SERPINF1: variants seen among roughly 807,000 people sequenced by gnomAD.
SERPINF1 encodes pigment epithelium-derived factor.
A neutral mutation model predicts 37.3 loss-of-function variants in SERPINF1; 29 were observed. The observed-to-expected ratio is 0.78, with a 90% confidence interval of 0.58 to 1.06. The LOEUF (loss-of-function observed/expected upper bound fraction) is 1.06. Ranked by LOEUF, SERPINF1 falls within the 50% of genes least tolerant of loss-of-function variation. The probability of loss-of-function intolerance (pLI) is 0.00; values close to 1 mark genes in which losing one functional copy is unlikely to be tolerated. For synonymous variants in SERPINF1, 281 were observed against 227.9 expected, an observed-to-expected ratio of 1.23 and a Z score of -2.10; for missense variants, 553 against 532.2, an observed-to-expected ratio of 1.04 and a Z score of -0.38.
Position 1,771,933 on chromosome 17 carries a change from A to AGT in SERPINF1, c.502_503dup (p.Leu169SerfsTer2). 1 of 1,614,104 alleles carries AGT rather than the reference A, an allele frequency of 6.2e-7. No individual in the cohort carries two copies. The highest frequency in any genetic ancestry group is 1.1e-5 in the South Asian group (1 of 91,078). The stretch of plus-strand genomic sequence containing the variant: ...AAAAGTCATATGGGACCAGGCCCAG[A>AGT]GTCCTGACGGGCAACCCTCGCTTGG... On this transcript the variant is annotated frameshift_variant, in exon 5 of 8. Transcript: ENST00000254722. LOFTEE classifies it high-confidence loss of function.
At chr17:1,767,085 G>T in intron 2 of SERPINF1, 91 bp downstream of exon 2, 1 of 1,153,968 alleles carries the variant, frequency 8.7e-7, no homozygotes. Flanking sequence ...CCGGACCCAG[G>T]TTCCAGGCCA....
rs1567752593 is a variant in SERPINF1 at position 1,766,987 on chromosome 17, C to CG, written c.79dup (p.Glu27GlyfsTer38). Reference sequence around the variant, plus strand: ...AGCTGCCAGAACCCTGCCAGCCCCCCGGAGGAGGTCAGTAGGCAGGCGGGG... The same window carrying CG: ...AGCTGCCAGAACCCTGCCAGCCCCCCGGGAGGAGGTCAGTAGGCAGGCGGGG... On this transcript the variant is annotated frameshift_variant, in exon 2 of 8. Coordinates refer to ENST00000254722, the MANE Select transcript of SERPINF1 (RefSeq NM_002615.7). LOFTEE classifies it high-confidence loss of function. 1 of 1,553,936 alleles carries CG rather than the reference C, an allele frequency of 6.4e-7. No individual in the cohort carries two copies. The highest frequency in any genetic ancestry group is 1.9e-5 in the Admixed American group (1 of 51,298).
At position 1,762,561 on chromosome 17, in the gene SERPINF1, G is replaced by C. The variant is rs563493964; in HGVS notation, c.-9+448G>C. On this transcript the variant is annotated intron_variant, in intron 1 of 7. Coordinates refer to ENST00000254722, the MANE Select transcript of SERPINF1 (RefSeq NM_002615.7). ...GCCCTGCAGCCCAGCCCTGGCCCCT[G>C]CTCCCTCGGCTCCCTGCTACTTTTT... Among the ~76,000 whole-genome samples the C allele has an allele frequency of 2.6e-5, 4 of 152,310 alleles. No individual in the cohort carries two copies. In the South Asian group the frequency reaches 8.3e-4, roughly 32 times the overall value.
At chr17:1,774,994 C>T in intron 5 of SERPINF1, 64 bp from the exon 6 acceptor site, 1 of 1,606,356 alleles carries the variant, frequency 6.2e-7, no homozygotes, top group Non-Finnish European at 8.5e-7. Flanking sequence ...TCTGGGGACA[C>T]AGCATGGCGC....
At chr17:1,775,238 G>A in intron 6 of SERPINF1, 38 bp downstream of exon 6, 2 of 1,601,028 alleles carry the variant, frequency 1.2e-6, no homozygotes, top group Admixed American at 1.7e-5. Flanking sequence ...GGTGGATGGA[G>A]GGAGAGGATA....
At chr17:1,765,324 TTTTA>T (rs1249330830) in intron 1 of SERPINF1, among the ~76,000 whole-genome samples, 3 of 150,736 alleles carry the variant, frequency 2.0e-5, no homozygotes, top group African/African-American at 4.9e-5. Flanking sequence ...TTTTATTTTA[TTTTA>T]TTTATTTATT....
chr17:1,766,881 C>A, intron 1 of SERPINF1, 22 bp from the exon 2 acceptor site: 9 of 1,549,046 alleles, frequency 5.8e-6, no homozygotes, highest in Non-Finnish European at 7.9e-6. Flanking sequence ...GAGCGGCTTG[C>A]TGCCTCGTTC....
Position 1,764,907 on chromosome 17 carries a change from G to A in SERPINF1, c.-8-1996G>A, listed in dbSNP as rs1385510123. On this transcript the variant is annotated intron_variant, in intron 1 of 7. Transcript: ENST00000254722. ...TGCCCAGCCTGGAGTGCAGTGGCGC[G>A]ATCTCAGCTCACTGCAACCTCCACT... Among the ~76,000 whole-genome samples, 142 of 146,510 alleles carry A rather than the reference G, an allele frequency of 9.7e-4. 3 individuals carry two copies. The highest frequency in any genetic ancestry group is 1.6e-4 in the Non-Finnish European group (11 of 67,178).
chr17:1,772,045 A>G lies in SERPINF1; in HGVS notation c.613A>G (p.Ile205Val). 1 of 1,613,588 alleles carries G rather than the reference A, an allele frequency of 6.2e-7. No individual in the cohort carries two copies. The highest frequency in any genetic ancestry group is 8.5e-7 in the Non-Finnish European group (1 of 1,179,940). Reference sequence around the variant, plus strand: ...AAAGGAAATTCCCGATGAGATCAGCATTCTCCTTCTCGGTGTGGCGCACTT... The same window carrying G: ...AAAGGAAATTCCCGATGAGATCAGCGTTCTCCTTCTCGGTGTGGCGCACTT... ...STKEIPDEIS[I>V]LLLGVAHFKG... is the part of the protein sequence containing the mutation. The change falls in exon 5 of 8, where the codon ATT becomes GTT. Residue 205 changes from isoleucine (I) to valine (V), a missense_variant. By Grantham distance (29) the Ile-to-Val change is conservative. Transcript: ENST00000254722.
At chr17:1,767,066 A>ACAGGGAACCCGGAACCAGGTTCCAGGC in intron 2 of SERPINF1, 72 bp downstream of exon 2, 1 of 1,371,318 alleles carries the variant, frequency 7.3e-7, no homozygotes, top group Non-Finnish European at 1.0e-6. Context: ...GGGAAACAGG[A>ACAGGGAACCCGGAACCAGGTTCCAGGC]CAGGGAACCC....
At chr17:1,769,175 C>T (rs970843195) in intron 2 of SERPINF1, among the ~76,000 whole-genome samples, 8 of 149,050 alleles carry the variant, frequency 5.4e-5, no homozygotes, top group South Asian at 2.1e-4. Flanking sequence ...TTTGGTAGAC[C>T]GAGGCGGGTG....
At chr17:1,763,683 C>T (rs1323353088) in intron 1 of SERPINF1, among the ~76,000 whole-genome samples, 5 of 152,202 alleles carry the variant, frequency 3.3e-5, no homozygotes, top group South Asian at 2.1e-4. Context: ...TCAGACTTGC[C>T]GTTAATACTC....
In SERPINF1 at chr17:1,769,886, T is replaced by TGGA. The variant is rs754278719; in HGVS notation, c.129_131dup (p.Glu43dup). 1.2e-5 allele frequency: 19 copies of TGGA among 1,614,092 alleles called. No individual in the cohort carries two copies. The highest frequency in any genetic ancestry group is 9.9e-5 in the South Asian group (9 of 91,080). ...GACCCCGACAGCACAGGGGCGCTGG[T>TGGA]GGAGGAGGAGGATCCTTTCTTCAAA... is the stretch of plus-strand genomic sequence containing the variant. On this transcript the variant is annotated inframe_insertion, in exon 3 of 8. Coordinates refer to ENST00000254722, the MANE Select transcript of SERPINF1 (RefSeq NM_002615.7).
chr17:1,777,078 A>G (rs1173253625), intron 7 of SERPINF1, 109 bp from the exon 8 acceptor site: 1 of 1,564,966 alleles, frequency 6.4e-7, no homozygotes, highest in Non-Finnish European at 8.8e-7. Context: ...TTCAGGCCTC[A>G]GAGAAAGTCA....
At position 1,776,575 on chromosome 17, in the gene SERPINF1, T is replaced by C; in HGVS notation, c.830T>C (p.Phe277Ser). 6.2e-7 allele frequency: 1 copy of C among 1,614,052 alleles called. No homozygotes were observed. The highest frequency in any genetic ancestry group is 8.5e-7 in the Non-Finnish European group (1 of 1,180,014). ...PLTGSMSIIF[F>S]LPLKVTQNLT... ...ACCGGAAGCATGAGTATCATCTTCT[T>C]CCTGCCCCTGAAAGTGACCCAGAAT... is the stretch of plus-strand genomic sequence containing the variant. The change falls in exon 7 of 8, where the codon TTC becomes TCC. Residue 277 changes from phenylalanine (F) to serine (S), a missense_variant. Physicochemically the swap from Phe to Ser is radical, Grantham distance 155. Coordinates refer to ENST00000254722, the MANE Select transcript of SERPINF1 (RefSeq NM_002615.7).
intron 2 of SERPINF1, among the ~76,000 whole-genome samples, 183 bp downstream of exon 2, chr17:1,767,177 G>A (rs1353914311): frequency 6.6e-6 from 1 of 152,216 alleles, no homozygotes; most frequent in African/African-American, 2.4e-5. Context: ...CCTTTCAGGG[G>A]ATGGAGTAGG....
intron 1 of SERPINF1, among the ~76,000 whole-genome samples, chr17:1,763,453 G>A (rs557048820): frequency 1.3e-5 from 2 of 152,314 alleles, no homozygotes; most frequent in South Asian, 2.1e-4. Flanking sequence ...GGACGAGAGC[G>A]GGGCTTGGAT....
At chr17:1,766,330 T>A (rs1907364248) in intron 1 of SERPINF1, 1 of 152,012 alleles carries the variant, frequency 6.6e-6, no homozygotes, top group African/African-American at 2.4e-5. Flanking sequence ...CTGAAGCAGG[T>A]GGATAGCCTG....
At chr17:1,772,113 G>T in intron 5 of SERPINF1, 38 bp downstream of exon 5, 1 of 1,585,132 alleles carries the variant, frequency 6.3e-7, no homozygotes. Context: ...TTATTTTACT[G>T]TATTTTAACT....
Sources: allele counts gnomAD v4.1 joint callset (sites outside exome capture counted in the v4.1 genomes callset), GRCh38; gene constraint gnomAD v4.1.1; transcripts MANE v1.5; gene names NCBI Gene and HGNC (gene_info 2026-07-23, HGNC 2026-07-21).